The following GAS5 variants were observed in gnomAD, a reference collection of about 807,000 sequenced individuals.
GAS5 encodes growth arrest specific 5, also known as growth arrest specific 5 (non-protein coding).
chr1:173,868,719 C>G (rs923817054), upstream of GAS5: 4 of 152,916 alleles, frequency 2.6e-5, no homozygotes, highest in African/African-American at 7.2e-5. Context: ...CGCCTGGAGC[C>G]GGTCCCTGGG....
intron 6 of GAS5, chr1:173,864,433 T>TAC (rs1159728806): frequency 2.7e-5 from 14 of 518,840 alleles, no homozygotes; most frequent in Non-Finnish European, 5.4e-5. Context: ...GCAGAATCAT[T>TAC]ACATCATTGG....
chr1:173,867,072 C>T (rs1423525511), upstream of GAS5: 4 of 678,272 alleles, frequency 5.9e-6, no homozygotes, highest in Admixed American at 7.2e-5. Flanking sequence ...GATTTTAATT[C>T]ATTGTTCCAC....
intron 6 of GAS5, chr1:173,865,040 C>T: frequency 2.6e-6 from 1 of 385,446 alleles, no homozygotes; most frequent in Non-Finnish European, 5.1e-6. Flanking sequence ...GACAACATAG[C>T]TGTACAAAAT....
chr1:173,868,260 GGA>G (rs1655127453), upstream of GAS5: 2 of 153,092 alleles, frequency 1.3e-5, no homozygotes, highest in African/African-American at 2.4e-5. Context: ...CGCGAGGCAA[GGA>G]AAGCTCTGGG....
intron 1 of GAS5, chr1:173,866,941 G>A: frequency 1.3e-6 from 1 of 765,418 alleles, no homozygotes. Context: ...CACAGGCTGA[G>A]ACCACCTCTT....
chr1:173,864,923 A>C, intron 6 of GAS5: 3 of 517,106 alleles, frequency 5.8e-6, no homozygotes, highest in Non-Finnish European at 1.2e-5. Context: ...ACAACACTTA[A>C]AAACCAGACT....
At chr1:173,864,902 G>T (rs1654320055) in intron 6 of GAS5, 2 of 518,740 alleles carry the variant, frequency 3.9e-6, no homozygotes, top group Admixed American at 1.9e-5. Flanking sequence ...TATCATCATT[G>T]TATCGGCTTT....
chr1:173,865,980 C>G (rs1205662659), intron 4 of GAS5: 2 of 519,092 alleles, frequency 3.9e-6, no homozygotes, highest in Admixed American at 1.9e-5. Flanking sequence ...TCAGTTAGAG[C>G]TAATTAAGAC....
chr1:173,867,011 A>G lies in GAS5; in HGVS notation n.35T>C, dbSNP rs1485460280. 3 of 764,548 alleles carry G rather than the reference A, an allele frequency of 3.9e-6. No individual in the cohort carries two copies. In the African/African-American group the frequency reaches 5.1e-5, roughly 13 times the overall value. 47.4% of individuals were successfully genotyped at this position (764,548 alleles called of 1,614,324 possible). A position where few individuals can be genotyped will look rare whatever the true frequency, so the allele number is the denominator to read the frequency against. On this transcript the variant is annotated non_coding_transcript_exon_variant, in exon 1 of 8. Coordinates refer to ENST00000651080, the Ensembl canonical transcript of GAS5. Reference sequence around the variant, plus strand: ...CTTACCTGTCCATAAGGTGCTATCCAGAGCCACACTGCATCTGCACCCAGC... The same window carrying G: ...CTTACCTGTCCATAAGGTGCTATCCGGAGCCACACTGCATCTGCACCCAGC...
At chr1:173,868,547 C>T (rs1655184365), upstream of GAS5, 1 of 153,014 alleles carries the variant, frequency 6.5e-6, no homozygotes, top group Non-Finnish European at 1.5e-5. Context: ...AGGCACCGGG[C>T]GACCTTCCAC....
At chr1:173,865,267 A>G (rs981120362) in intron 6 of GAS5, 1 of 393,194 alleles carries the variant, frequency 2.5e-6, no homozygotes, top group African/African-American at 2.1e-5. Flanking sequence ...AGTGTAGTCA[A>G]GCCGACTCTC....
chr1:173,867,067 T>C (rs1572028830), upstream of GAS5: 6 of 687,998 alleles, frequency 8.7e-6, no homozygotes, highest in East Asian at 2.5e-5. Context: ...GTACAGATTT[T>C]AATTCATTGT....
At chr1:173,865,618 AG>A in intron 5 of GAS5, 1 of 519,252 alleles carries the variant, frequency 1.9e-6, no homozygotes, top group South Asian at 1.4e-5. Flanking sequence ...TGTCTGTCAC[AG>A]GGTTCTTCAG....
chr1:173,864,527 A>G (rs1654253093), intron 6 of GAS5: 2 of 423,784 alleles, frequency 4.7e-6, no homozygotes, highest in Admixed American at 6.1e-5. Flanking sequence ...ATGAAAAATA[A>G]TACCCATTTA....
chr1:173,864,145 GCAGAATAT>G, intron 7 of GAS5: 1 of 517,296 alleles, frequency 1.9e-6, no homozygotes, highest in South Asian at 1.4e-5. Context: ...ACATGGGAAT[GCAGAATAT>G]CAGATATTTT....
intron 4 of GAS5, chr1:173,866,102 G>A (rs1041692808): frequency 7.8e-6 from 4 of 512,226 alleles, no homozygotes; most frequent in Non-Finnish European, 1.6e-5. Flanking sequence ...TCAGCACTAG[G>A]AGGTAACTAA....
intron 7 of GAS5, chr1:173,864,089 TAAGAC>T (rs971348730): frequency 4.7e-5 from 23 of 493,036 alleles, no homozygotes; most frequent in African/African-American, 1.9e-4. Flanking sequence ...TCTCAAAAAA[TAAGAC>T]AAGACTTTTA....
chr1:173,865,582 AAAC>A (rs758937173), intron 5 of GAS5: 48 of 518,816 alleles, frequency 9.3e-5, no homozygotes, highest in South Asian at 5.0e-4. Flanking sequence ...TTAAAATGCT[AAAC>A]ATCATTAAAC....
chr1:173,864,410 TATATTTCATTTG>T lies in GAS5; in HGVS notation n.277-118_277-107del, dbSNP rs1557868747. 3 of 519,078 alleles carry T rather than the reference TATATTTCATTTG, an allele frequency of 5.8e-6. 1 individual carries two copies. The highest frequency in any genetic ancestry group is 4.2e-5 in the South Asian group (3 of 71,502). 32.2% of individuals were successfully genotyped at this position (519,078 alleles called of 1,614,324 possible). On this transcript the variant is annotated intron_variant and non_coding_transcript_variant, in intron 6 of 7. Coordinates refer to ENST00000651080, the Ensembl canonical transcript of GAS5. ...TGGAACGGTTTTACAGTGATATCATTATATTTCATTTGGCAGAATCATTACATCATTGGTTAC... is the reference window on the plus strand; with the variant it reads ...TGGAACGGTTTTACAGTGATATCATTGCAGAATCATTACATCATTGGTTAC...
Sources: gnomAD v4.1 joint callset for allele counts on GRCh38, gnomAD v4.1.1 for gene constraint, MANE v1.5 for transcripts, NCBI Gene and HGNC (gene_info 2026-07-23, HGNC 2026-07-21) for gene names.